FREM1: variants seen among roughly 807,000 people sequenced by gnomAD.
FREM1 encodes FRAS1 related extracellular matrix 1.
Under a neutral mutation model 210.1 loss-of-function variants are expected in FREM1, and 220 were observed. The observed-to-expected ratio is 1.05, with a 90% confidence interval of 0.94 to 1.17. The LOEUF is 1.17. FREM1 is among the 50% of genes most tolerant of loss of function. FREM1 has a pLI of 0.00. For missense variants in FREM1, 3,454 were observed against 2,675.5 expected (o/e 1.29, Z -6.42); for synonymous variants, 1,189 against 980.2 (o/e 1.21, Z -3.98).
In FREM1 at chr9:14,824,892, A is replaced by G. The variant is rs368744732; in HGVS notation, c.1982T>C (p.Ile661Thr). The part of the protein sequence containing the change: ...LVVKETEVAY[I>T]TKKQLHFIDS... Reference sequence around the variant, plus strand: ...TATAAAATGTAGCTGTTTCTTAGTTATATAGGCCACCTCAGTTTCCTTGAC... The same window carrying G: ...TATAAAATGTAGCTGTTTCTTAGTTGTATAGGCCACCTCAGTTTCCTTGAC... Residue 661 changes from isoleucine to threonine, a missense_variant, in exon 11 of 37, where the codon ATA (isoleucine) becomes ACA (threonine). Physicochemically the swap from Ile to Thr is moderately conservative, Grantham distance 89. Transcript: ENST00000380880. 1.3e-4 allele frequency: 210 copies of G among 1,613,050 alleles called. No homozygotes were observed. Among genetic ancestry groups the G allele is most frequent in the Non-Finnish European group, 1.8e-4 (209 of 1,179,526 alleles).
chr9:14,880,023 T>C (rs554735444), intron 1 of FREM1, among the ~76,000 whole-genome samples: 1 of 152,044 alleles, frequency 6.6e-6, no homozygotes, highest in Non-Finnish European at 1.5e-5. Context: ...TGTGGAGGCG[T>C]TAGGTTTACA....
rs557165996 is a variant in FREM1, at chr9:14,748,229, C to G, written c.5796+172G>C. Among the ~76,000 whole-genome samples the G allele has an allele frequency of 1.1e-4, 17 of 152,294 alleles. No individual in the cohort carries two copies. In the South Asian group the frequency reaches 2.3e-3, roughly 20 times the overall value. On this transcript the variant is annotated intron_variant, in intron 31 of 36. Transcript: ENST00000380880. ...CAGTACAATTAAAGAAGCAAGGCAGCCTCAAGATCTTTGTATACAGAAGGC... is the reference window on the plus strand; with the variant it reads ...CAGTACAATTAAAGAAGCAAGGCAGGCTCAAGATCTTTGTATACAGAAGGC...
intron 10 of FREM1, among the ~76,000 whole-genome samples, chr9:14,828,280 A>C (rs1822855469): frequency 6.6e-6 from 1 of 152,242 alleles, no homozygotes; most frequent in Non-Finnish European, 1.5e-5. Context: ...CACAGAGTCA[A>C]AGAAGATTAT....
chr9:14,758,259 G>A (rs542216402), intron 28 of FREM1, among the ~76,000 whole-genome samples: 26 of 152,274 alleles, frequency 1.7e-4, no homozygotes, highest in African/African-American at 6.0e-4. Flanking sequence ...CGTTTGTTGT[G>A]CACTTTCAGC....
intron 10 of FREM1, among the ~76,000 whole-genome samples, chr9:14,838,127 G>T (rs1404831255): frequency 6.6e-6 from 1 of 152,152 alleles, no homozygotes; most frequent in Admixed American, 6.5e-5. Flanking sequence ...GTTTTGCTGT[G>T]TGTGTCAATT....
chr9:14,886,597 G>C (rs1227644676), intron 1 of FREM1, among the ~76,000 whole-genome samples: 1 of 151,818 alleles, frequency 6.6e-6, no homozygotes, highest in African/African-American at 2.4e-5. Flanking sequence ...GCTAAACTTA[G>C]AAGTTATCAA....
At chr9:14,888,859 TA>T (rs1207542442) in intron 1 of FREM1, among the ~76,000 whole-genome samples, 3 of 152,164 alleles carry the variant, frequency 2.0e-5, no homozygotes, top group African/African-American at 7.2e-5. Flanking sequence ...TAACTTTTTT[TA>T]AAATATGAAA....
chr9:14,887,428 T>A (rs1392223535), intron 1 of FREM1, among the ~76,000 whole-genome samples: 1 of 152,222 alleles, frequency 6.6e-6, no homozygotes, highest in Non-Finnish European at 1.5e-5. Flanking sequence ...GGTGGGCCCA[T>A]ACTACAAAGC....
At chr9:14,812,598 C>A (rs1426846732) in intron 16 of FREM1, among the ~76,000 whole-genome samples, 2 of 152,136 alleles carry the variant, frequency 1.3e-5, no homozygotes, top group Admixed American at 6.5e-5. Flanking sequence ...GTAATATCTG[C>A]CTTTCTCCGC....
chr9:14,828,434 T>C (rs934123539), intron 10 of FREM1, among the ~76,000 whole-genome samples: 1 of 152,180 alleles, frequency 6.6e-6, no homozygotes, highest in Non-Finnish European at 1.5e-5. Context: ...TGTTTGATTT[T>C]ATTGTGCTCA....
intron 15 of FREM1, 70 bp from the exon 16 acceptor site, chr9:14,813,134 T>C: frequency 6.8e-7 from 1 of 1,467,586 alleles, no homozygotes; most frequent in Non-Finnish European, 9.3e-7. Flanking sequence ...AGGTAATCCA[T>C]TGCTCATAGT....
At chr9:14,838,676 T>G (rs1427410718) in intron 10 of FREM1, among the ~76,000 whole-genome samples, 1 of 152,204 alleles carries the variant, frequency 6.6e-6, no homozygotes, top group Non-Finnish European at 1.5e-5. Context: ...CAGAATTCAT[T>G]TGGTGATCAA....
At chr9:14,802,534 C>T (rs1055361673) in intron 19 of FREM1, among the ~76,000 whole-genome samples, 1 of 152,174 alleles carries the variant, frequency 6.6e-6, no homozygotes, top group African/African-American at 2.4e-5. Context: ...CTCTCACACC[C>T]ACTTCAGGTT....
At position 14,796,011 on chromosome 9, in the gene FREM1, T is replaced by C. The variant is rs543059171; in HGVS notation, c.3839+1487A>G. ...TAAAGGCTATACTAATCCAACATATTAGCTAAGAAATAAGAAAATAGAAAT... is the reference window on the plus strand; with the variant it reads ...TAAAGGCTATACTAATCCAACATATCAGCTAAGAAATAAGAAAATAGAAAT... On this transcript the variant is annotated intron_variant, in intron 21 of 36. Transcript: ENST00000380880. 3.0e-4 allele frequency among the ~76,000 whole-genome samples: 45 copies of C among 152,268 alleles called. 1 individual carries two copies. The highest frequency in any genetic ancestry group is 1.1e-3 in the African/African-American group (44 of 41,538).
chr9:14,875,369 C>A (rs1020561709), intron 1 of FREM1, among the ~76,000 whole-genome samples: 3 of 152,118 alleles, frequency 2.0e-5, no homozygotes, highest in Non-Finnish European at 4.4e-5. Flanking sequence ...AGGCTTTGTT[C>A]ATTTCCTTTT....
At chr9:14,792,652 A>T (rs187608902) in intron 22 of FREM1, 91 bp downstream of exon 22, 138 of 988,694 alleles carry the variant, frequency 1.4e-4, no homozygotes, top group Non-Finnish European at 1.8e-4. Flanking sequence ...TATGTCTATC[A>T]GAGAATAAAT....
At chr9:14,843,961 T>C (rs1826145815) in intron 8 of FREM1, among the ~76,000 whole-genome samples, 1 of 152,220 alleles carries the variant, frequency 6.6e-6, no homozygotes, top group South Asian at 2.1e-4. Context: ...GATAAATCAG[T>C]TGTTCTAAGT....
rs372221523 is a variant in FREM1 at position 14,832,470 on chromosome 9, G to C, written c.1882-7478C>G. Among the ~76,000 whole-genome samples, 4 of 152,182 alleles carry C rather than the reference G, an allele frequency of 2.6e-5. No homozygotes were observed. The East Asian group carries it at 5.8e-4, about 22-fold the overall frequency. ...GCCAAAAGGGAAGAGAAAAAATAGG[G>C]AAGGCAAAGAAACAGGGGAAACACA... is the stretch of plus-strand genomic sequence containing the variant. On this transcript the variant is annotated intron_variant, in intron 10 of 36. Transcript: ENST00000380880.
chr9:14,880,233 TTC>T (rs377054970), intron 1 of FREM1, among the ~76,000 whole-genome samples: 32 of 152,322 alleles, frequency 2.1e-4, no homozygotes, highest in African/African-American at 7.5e-4. Flanking sequence ...TCTACGGTAT[TTC>T]TGTTATAGCA....
Sources: allele counts gnomAD v4.1 joint callset (sites outside exome capture counted in the v4.1 genomes callset), GRCh38; gene constraint gnomAD v4.1.1; transcripts MANE v1.5; gene names NCBI Gene and HGNC (gene_info 2026-07-23, HGNC 2026-07-21).